Variants in DGKG observed in about 807,000 individuals in gnomAD.
DGKG encodes the protein diacylglycerol kinase gamma, also known as DAG kinase gamma.
Under a neutral mutation model 105.3 loss-of-function variants are expected in DGKG, and 78 were observed. The observed-to-expected ratio is 0.74, with a 90% CI of 0.62 to 0.89. DGKG has a LOEUF of 0.89. Ranked by LOEUF, DGKG falls within the 40% of genes least tolerant of loss-of-function variation. The pLI is 0.00. For synonymous variants in DGKG, 346 were observed against 367.1 expected, an observed-to-expected ratio of 0.94 and a Z score of 0.66; for missense variants, 958 against 1,020.1, an observed-to-expected ratio of 0.94 and a Z score of 0.83.
chr3:186,275,330 A>C (rs1382675700), intron 10 of DGKG, among the ~76,000 whole-genome samples: 2 of 152,248 alleles, frequency 1.3e-5, no homozygotes, highest in African/African-American at 4.8e-5. Flanking sequence ...GCTCATAAAA[A>C]GCCTCCAATA....
intron 19 of DGKG, among the ~76,000 whole-genome samples, chr3:186,245,124 T>G (rs1720879079): frequency 6.6e-6 from 1 of 152,228 alleles, no homozygotes; most frequent in African/African-American, 2.4e-5. Context: ...CCAGCTTTTT[T>G]ATTCTCCGGG....
At chr3:186,261,655 C>T (rs1354826101) in intron 15 of DGKG, 44 bp downstream of exon 15, 7 of 1,377,598 alleles carry the variant, frequency 5.1e-6, no homozygotes, top group South Asian at 1.2e-5. Context: ...GGGCCTGAGT[C>T]GTGTCGCCCT....
At chr3:186,228,170 C>A (rs189399631) in intron 20 of DGKG, among the ~76,000 whole-genome samples, 3 of 152,242 alleles carry the variant, frequency 2.0e-5, no homozygotes, top group Admixed American at 6.5e-5. Context: ...AAATAGCATG[C>A]TTTAAAGCTC....
At chr3:186,272,169 T>G in intron 11 of DGKG, 86 bp downstream of exon 11, 1 of 1,027,156 alleles carries the variant, frequency 9.7e-7, no homozygotes. Flanking sequence ...AAGCTCCCAG[T>G]GCCCCTTCCT....
intron 21 of DGKG, among the ~76,000 whole-genome samples, chr3:186,205,668 C>A (rs1718695898): frequency 6.6e-6 from 1 of 152,008 alleles, no homozygotes. Flanking sequence ...TGAGATTGCA[C>A]CACCGCACTC....
intron 21 of DGKG, among the ~76,000 whole-genome samples, chr3:186,206,540 G>A (rs985541571): frequency 6.6e-6 from 1 of 152,078 alleles, no homozygotes; most frequent in Admixed American, 6.6e-5. Context: ...CCTCTACAAG[G>A]TTATTCTGGG....
At chr3:186,277,746 T>C (rs1722650704) in intron 9 of DGKG, among the ~76,000 whole-genome samples, 1 of 152,186 alleles carries the variant, frequency 6.6e-6, no homozygotes, top group South Asian at 2.1e-4. Flanking sequence ...TGATGGTGGC[T>C]GCAGAACGTG....
chr3:186,297,068 TCACACACA>T (rs55826465), intron 5 of DGKG, among the ~76,000 whole-genome samples: 16 of 130,420 alleles, frequency 1.2e-4, no homozygotes, highest in African/African-American at 4.0e-4. Flanking sequence ...TCTGTCTCTC[TCACACACA>T]CACACACACA....
At chr3:186,264,789 T>C (rs1439306834) in intron 14 of DGKG, among the ~76,000 whole-genome samples, 3 of 152,178 alleles carry the variant, frequency 2.0e-5, no homozygotes, top group Non-Finnish European at 2.9e-5. Context: ...ACACAAAAAA[T>C]GTTCATTGCT....
Position 186,210,847 on chromosome 3 carries a change from G to C in DGKG, c.1917+948C>G, listed in dbSNP as rs935215421. On this transcript the variant is annotated intron_variant, in intron 21 of 24. Transcript: ENST00000265022. The surrounding 1 kb of genome is among the most constrained non-coding windows in gnomAD (Gnocchi z 5.2). ...AGAAGACTACGGGCCTAAATCCCAC[G>C]GGAAGGTAGGCCTGGTAGCAAGAAC... is the stretch of plus-strand genomic sequence containing the variant. Among the ~76,000 whole-genome samples, 3 of 152,228 alleles carry C rather than the reference G, an allele frequency of 2.0e-5. No homozygotes were observed. Among genetic ancestry groups the C allele is most frequent in the African/African-American group, 7.2e-5 (3 of 41,466 alleles).
At chr3:186,316,668 T>A (rs1458542054) in intron 2 of DGKG, among the ~76,000 whole-genome samples, 2 of 152,194 alleles carry the variant, frequency 1.3e-5, no homozygotes, top group Non-Finnish European at 2.9e-5. Context: ...AGAGCAGTTT[T>A]AAGATGCCCC....
At position 186,280,719 on chromosome 3, in the gene DGKG, A is replaced by G; in HGVS notation, c.620T>C (p.Met207Thr). 6.2e-7 allele frequency: 1 copy of G among 1,614,196 alleles called. No homozygotes were observed. The highest frequency in any genetic ancestry group is 8.5e-7 in the Non-Finnish European group (1 of 1,179,996). The change falls in exon 8 of 25, where the codon ATG (methionine) becomes ACG (threonine). Residue 207 changes from methionine (M) to threonine (T), a missense_variant. Physicochemically the swap from Met to Thr is moderately conservative, Grantham distance 81. This residue lies in a region of DGKG where 643 missense variants were observed against 619.5 expected (regional missense o/e 1.04). Coordinates refer to ENST00000265022, the MANE Select transcript of DGKG (RefSeq NM_001346.3). Reference protein sequence around the residue: ...QAEMDCIVNQMLHIAQYLEWD... With the variant: ...QAEMDCIVNQTLHIAQYLEWD... ...CTCCAGGTACTGGGCAATATGCAGCATTTGGTTGACAATGCAATCCATCTC... is the reference window on the plus strand; with the variant it reads ...CTCCAGGTACTGGGCAATATGCAGCGTTTGGTTGACAATGCAATCCATCTC...
At chr3:186,219,559 G>T (rs1046291814) in intron 20 of DGKG, among the ~76,000 whole-genome samples, 2 of 152,172 alleles carry the variant, frequency 1.3e-5, no homozygotes, top group African/African-American at 4.8e-5. Flanking sequence ...GTGTTGGCTC[G>T]ATGTGTTTCA....
intron 1 of DGKG, among the ~76,000 whole-genome samples, chr3:186,355,192 C>T (rs1726852195): frequency 1.3e-5 from 2 of 148,678 alleles, no homozygotes. Flanking sequence ...CCACCACCAT[C>T]AATACCACCA....
chr3:186,279,775 T>C (rs900035629), intron 9 of DGKG, 76 bp downstream of exon 9: 19 of 1,552,694 alleles, frequency 1.2e-5, no homozygotes, highest in Non-Finnish European at 1.6e-5. Context: ...GAAGCCAAAG[T>C]GATATGTTGA....
At chr3:186,188,973 C>A (rs1001618853) in intron 21 of DGKG, among the ~76,000 whole-genome samples, 3 of 152,092 alleles carry the variant, frequency 2.0e-5, no homozygotes, top group African/African-American at 4.8e-5. Flanking sequence ...TGCCACCATG[C>A]CTGGCTAGTT....
chr3:186,360,666 A>T (rs1379855628), intron 1 of DGKG, among the ~76,000 whole-genome samples: 1 of 152,172 alleles, frequency 6.6e-6, no homozygotes, highest in African/African-American at 2.4e-5. Context: ...TCCTTCATTG[A>T]CAACCAGGGT....
At chr3:186,182,791 T>G (rs1159077280) in intron 22 of DGKG, among the ~76,000 whole-genome samples, 1 of 152,194 alleles carries the variant, frequency 6.6e-6, no homozygotes, top group East Asian at 1.9e-4. Context: ...GGCAAGATTC[T>G]TTCCCCTCTC....
At chr3:186,228,159 C>T (rs775661920) in intron 20 of DGKG, among the ~76,000 whole-genome samples, 6 of 152,146 alleles carry the variant, frequency 3.9e-5, no homozygotes, top group Non-Finnish European at 8.8e-5. Flanking sequence ...ACTTCACAAC[C>T]AAATAGCATG....
Sources: gnomAD v4.1 joint callset for allele counts (sites outside exome capture counted in the v4.1 genomes callset) on GRCh38, gnomAD v4.1.1 for gene constraint, gnomAD v4.1.1 regional missense constraint, Gnocchi (gnomAD v3.1) non-coding constraint, MANE v1.5 for transcripts, NCBI Gene and HGNC (gene_info 2026-07-23, HGNC 2026-07-21) for gene names.